The following SLC1A4 variants were observed in gnomAD, a reference collection of about 807,000 sequenced individuals.
SLC1A4 encodes the protein solute carrier family 1 member 4.
A neutral mutation model predicts 37.7 loss-of-function variants in SLC1A4; 19 were observed. The observed-to-expected ratio is 0.50, with a 90% confidence interval of 0.35 to 0.74. The LOEUF (loss-of-function observed/expected upper bound fraction) is 0.74. Ranked by LOEUF, SLC1A4 falls within the 30% of genes least tolerant of loss-of-function variation. SLC1A4 has a pLI of 0.01. For missense variants in SLC1A4, 570 were observed against 712.9 expected (o/e 0.80, Z 2.28); for synonymous variants, 299 against 309.8 (o/e 0.97, Z 0.37).
intron 2 of SLC1A4, among the ~76,000 whole-genome samples, chr2:65,002,705 G>A (rs1357890861): frequency 6.6e-6 from 1 of 150,408 alleles, no homozygotes; most frequent in African/African-American, 2.5e-5. Context: ...AGCCTTCCAA[G>A]TAGCTGGGAC....
intron 3 of SLC1A4, 48 bp from the exon 4 acceptor site, chr2:65,010,549 T>C: frequency 1.3e-6 from 2 of 1,484,760 alleles, no homozygotes. Context: ...ACATCTTTAA[T>C]TCTCACTCAT....
chr2:64,999,847 C>T (rs1673396918), intron 1 of SLC1A4: 1 of 151,906 alleles, frequency 6.6e-6, no homozygotes, highest in Non-Finnish European at 1.5e-5. Flanking sequence ...GAAGCTACAA[C>T]CTTATGTAAC....
At chr2:65,008,649 T>A (rs906827652) in intron 3 of SLC1A4, among the ~76,000 whole-genome samples, 1 of 151,726 alleles carries the variant, frequency 6.6e-6, no homozygotes, top group Admixed American at 6.6e-5. Flanking sequence ...TCCAAAAAAA[T>A]AAATAAATAA....
chr2:65,015,921 T>C (rs1420435552), intron 4 of SLC1A4, among the ~76,000 whole-genome samples: 1 of 152,248 alleles, frequency 6.6e-6, no homozygotes, highest in Non-Finnish European at 1.5e-5. Context: ...AGAGTGTCAT[T>C]GTTAATGACT....
Position 65,010,613 on chromosome 2 carries a change from A to G in SLC1A4, c.650A>G (p.Glu217Gly), listed in dbSNP as rs146494539. 9.3e-6 allele frequency: 15 copies of G among 1,611,472 alleles called. No individual in the cohort carries two copies. In the African/African-American group the frequency reaches 2.0e-4, roughly 22 times the overall value. Residue 217 changes from glutamate to glycine, a missense_variant, in exon 4 of 8, where the codon GAG (glutamate) becomes GGG (glycine). Physicochemically the swap from Glu to Gly is moderately conservative, Grantham distance 98. Coordinates refer to ENST00000234256, the MANE Select transcript of SLC1A4 (RefSeq NM_003038.5). ...ATCCTGCAGATCCCCATAGGCACTGAGATAGAAGGGATGAACATTTTAGGA... is the reference window on the plus strand; with the variant it reads ...ATCCTGCAGATCCCCATAGGCACTGGGATAGAAGGGATGAACATTTTAGGA... Reference protein sequence around the residue: ...VTHEKIPIGTEIEGMNILGLV... With the variant: ...VTHEKIPIGTGIEGMNILGLV...
At position 65,003,985 on chromosome 2, in the gene SLC1A4, C is replaced by T. The variant is rs766489399; in HGVS notation, c.603C>T (p.Asn201=). ...YATDYKVVTQ[N]SSSGNVTHEK... ...CCGATTATAAAGTCGTGACCCAGAACAGCAGCTCTGGAAATGTAACCCATG... is the reference window on the plus strand; with the variant it reads ...CCGATTATAAAGTCGTGACCCAGAATAGCAGCTCTGGAAATGTAACCCATG... The change falls in exon 3 of 8, where the codon AAC becomes AAT. Residue 201 remains asparagine (N), a synonymous_variant. Coordinates refer to ENST00000234256, the MANE Select transcript of SLC1A4 (RefSeq NM_003038.5). 3 of 1,613,880 alleles carry T rather than the reference C, an allele frequency of 1.9e-6. No individual in the cohort carries two copies. The highest frequency in any genetic ancestry group is 1.1e-5 in the South Asian group (1 of 91,084).
intron 1 of SLC1A4, among the ~76,000 whole-genome samples, chr2:64,997,144 G>T (rs1432190712): frequency 6.6e-6 from 1 of 152,082 alleles, no homozygotes; most frequent in African/African-American, 2.4e-5. Flanking sequence ...AAGCAAAGGA[G>T]GATGCTTTCT....
intron 3 of SLC1A4, among the ~76,000 whole-genome samples, chr2:65,006,623 G>A (rs1031790548): frequency 3.9e-5 from 6 of 152,124 alleles, no homozygotes; most frequent in Non-Finnish European, 5.9e-5. Flanking sequence ...CCCAAGGTTG[G>A]GATATTGGTG....
upstream of SLC1A4, chr2:64,989,257 G>A (rs1363689153): frequency 1.1e-5 from 1 of 90,734 alleles, no homozygotes; most frequent in Non-Finnish European, 2.5e-5. Flanking sequence ...TCCCGGCGGC[G>A]GCTCCCGGCG....
At chr2:65,014,254 T>C (rs1374608018) in intron 4 of SLC1A4, among the ~76,000 whole-genome samples, 1 of 152,016 alleles carries the variant, frequency 6.6e-6, no homozygotes, top group Admixed American at 6.5e-5. Context: ...ACTGCATATA[T>C]AGAAAAAAAG....
At chr2:64,993,597 T>C (rs147079044) in intron 1 of SLC1A4, among the ~76,000 whole-genome samples, 2,376 of 152,258 alleles carry the variant, frequency 0.016, 30 homozygotes, top group Non-Finnish European at 0.022. Context: ...TTCAGAACCA[T>C]GTGTGACCTA....
intron 2 of SLC1A4, 61 bp downstream of exon 2, chr2:65,001,551 GC>G: frequency 6.8e-7 from 1 of 1,469,454 alleles, no homozygotes; most frequent in Non-Finnish European, 9.5e-7. Flanking sequence ...ACCAATTACT[GC>G]TATAGAGTTA....
Position 65,023,839 on chromosome 2 carries a change from G to A in SLC1A4, c.*2693G>A, listed in dbSNP as rs137910706. On this transcript the variant is annotated 3_prime_UTR_variant, in exon 8 of 8. Transcript: ENST00000234256. ...GCCTTAAAACCTAGCACAGTCCTCAGAAATGAATACCGTGTTTCCACTGGA... is the reference window on the plus strand; with the variant it reads ...GCCTTAAAACCTAGCACAGTCCTCAAAAATGAATACCGTGTTTCCACTGGA... 5 of 152,820 alleles carry A rather than the reference G, an allele frequency of 3.3e-5. No individual in the cohort carries two copies. Among genetic ancestry groups the A allele is most frequent in the Non-Finnish European group, 7.3e-5 (5 of 68,052 alleles). The allele number at this position is 152,820 out of a possible 1,614,324, so 9.5% of individuals were successfully genotyped here. A position where few individuals can be genotyped will look rare whatever the true frequency, so the allele number is the denominator to read the frequency against.
intron 1 of SLC1A4, among the ~76,000 whole-genome samples, chr2:64,997,111 G>C (rs1469229535): frequency 6.6e-6 from 1 of 152,000 alleles, no homozygotes; most frequent in Non-Finnish European, 1.5e-5. Flanking sequence ...TCCTGCTCTT[G>C]GTCTGTGGCA....
chr2:65,009,785 G>T (rs1673840229), intron 3 of SLC1A4, among the ~76,000 whole-genome samples: 1 of 152,216 alleles, frequency 6.6e-6, no homozygotes, highest in South Asian at 2.1e-4. Flanking sequence ...TCAGTGATTT[G>T]GGAAAGAGTA....
chr2:64,993,794 A>G (rs904206324), intron 1 of SLC1A4, among the ~76,000 whole-genome samples: 10 of 152,150 alleles, frequency 6.6e-5, no homozygotes, highest in African/African-American at 2.4e-4. Context: ...TCATGATGGT[A>G]CCCACCTCGC....
At position 65,018,361 on chromosome 2, in the gene SLC1A4, T is replaced by A; in HGVS notation, c.1229+96T>A. On this transcript the variant is annotated intron_variant, in intron 6 of 7. Transcript: ENST00000234256. This position sits in a 1 kb window ranked among gnomAD's most constrained non-coding sequence, Gnocchi z 4.3. ...TCACCACAACTTGGTGTCTCGCTCA[T>A]AAAATGAGGACAGTGGGGATTCATT... The A allele has an allele frequency of 7.0e-7, 1 of 1,426,940 alleles. No homozygotes were observed. Among genetic ancestry groups the A allele is most frequent in the Non-Finnish European group, 9.6e-7 (1 of 1,040,378 alleles). 88.4% of individuals were successfully genotyped at this position (1,426,940 alleles called of 1,614,324 possible).
At position 64,990,949 on chromosome 2, in the gene SLC1A4, G is replaced by A. The variant is rs112768976; in HGVS notation, c.527+779G>A. On this transcript the variant is annotated intron_variant, in intron 1 of 7. Coordinates refer to ENST00000234256, the MANE Select transcript of SLC1A4 (RefSeq NM_003038.5). ...TGAGATGATGTAGTATCCTTTCTGTGACTTATCCAAAACCTTGGTCTCTCC... is the reference window on the plus strand; with the variant it reads ...TGAGATGATGTAGTATCCTTTCTGTAACTTATCCAAAACCTTGGTCTCTCC... Among the ~76,000 whole-genome samples the A allele has an allele frequency of 9.9e-5, 15 of 152,264 alleles. 2 individuals are homozygous for A. The highest frequency in any genetic ancestry group is 3.6e-4 in the African/African-American group (15 of 41,538).
chr2:64,988,884 C>A (rs1672909728), upstream of SLC1A4, among the ~76,000 whole-genome samples: 1 of 138,712 alleles, frequency 7.2e-6, no homozygotes, highest in Admixed American at 7.1e-5. Context: ...CCGCGCGGGG[C>A]GAAAGCGCCA....
Sources: gnomAD v4.1 joint callset for allele counts (sites outside exome capture counted in the v4.1 genomes callset) on GRCh38, gnomAD v4.1.1 for gene constraint, Gnocchi (gnomAD v3.1) non-coding constraint, MANE v1.5 for transcripts, NCBI Gene and HGNC (gene_info 2026-07-23, HGNC 2026-07-21) for gene names.